OTOP1: variants seen among roughly 807,000 people sequenced by gnomAD.
OTOP1 encodes the protein proton channel OTOP1.
Under a neutral mutation model 52.9 loss-of-function variants are expected in OTOP1, and 59 were observed. The observed-to-expected ratio is 1.12, with a 90% CI of 0.91 to 1.39. The LOEUF (loss-of-function observed/expected upper bound fraction) is 1.39. Among genes scored for constraint, OTOP1 ranks in the 40% most tolerant of loss-of-function variants. OTOP1 has a pLI of 0.00. For missense variants in OTOP1, 761 were observed against 800.9 expected (o/e 0.95, Z 0.60); for synonymous variants, 317 against 337.7 (o/e 0.94, Z 0.67).
chr4:4,212,761 G>C, intron 2 of OTOP1, 107 bp downstream of exon 2: 1 of 1,289,820 alleles, frequency 7.8e-7, no homozygotes, highest in South Asian at 1.3e-5. Flanking sequence ...GTTCACAGCT[G>C]TGCACACTGT....
intron 3 of OTOP1, among the ~76,000 whole-genome samples, chr4:4,204,500 C>A (rs1395089809): frequency 6.6e-6 from 1 of 152,146 alleles, no homozygotes; most frequent in African/African-American, 2.4e-5. Flanking sequence ...AGCACTGTTG[C>A]CACGCATGAC....
chr4:4,218,379 G>A lies in OTOP1; in HGVS notation c.404-5375C>T, dbSNP rs543131283. On this transcript the variant is annotated intron_variant, in intron 1 of 5. Coordinates refer to ENST00000296358, the MANE Select transcript of OTOP1 (RefSeq NM_177998.3). Reference sequence around the variant, plus strand: ...TGCACTCCAGCATGGGTGACAGAGCGAGACTCCAACTCAAAAAAAAAAAAA... The same window carrying A: ...TGCACTCCAGCATGGGTGACAGAGCAAGACTCCAACTCAAAAAAAAAAAAA... 2.7e-4 allele frequency among the ~76,000 whole-genome samples: 34 copies of A among 127,930 alleles called. No individual in the cohort carries two copies. The East Asian group carries it at 6.8e-3, about 26-fold the overall frequency. The allele number at this position is 127,930 out of a possible 152,430, so 83.9% of individuals were successfully genotyped here.
chr4:4,211,439 C>G (rs935839013), intron 2 of OTOP1, among the ~76,000 whole-genome samples: 3 of 111,964 alleles, frequency 2.7e-5, no homozygotes, highest in African/African-American at 7.8e-5. Context: ...TGAGCTCCAA[C>G]TTCTTCGTTA....
intron 5 of OTOP1, among the ~76,000 whole-genome samples, chr4:4,193,866 A>T (rs2108795516): frequency 6.6e-6 from 1 of 152,156 alleles, no homozygotes; most frequent in African/African-American, 2.4e-5. Context: ...GCAACCAGGG[A>T]AAAACAACTT....
At chr4:4,207,423 G>A (rs1425895297) in intron 2 of OTOP1, among the ~76,000 whole-genome samples, 1 of 152,152 alleles carries the variant, frequency 6.6e-6, no homozygotes, top group African/African-American at 2.4e-5. Context: ...TACAAGGAAT[G>A]GAGGAAATAC....
At chr4:4,224,807 C>G (rs1717388392) in intron 1 of OTOP1, among the ~76,000 whole-genome samples, 1 of 151,960 alleles carries the variant, frequency 6.6e-6, no homozygotes. Flanking sequence ...CAGAAACGGA[C>G]AAGGACCAAA....
At chr4:4,211,494 A>G (rs1235671067) in intron 2 of OTOP1, among the ~76,000 whole-genome samples, 1 of 152,256 alleles carries the variant, frequency 6.6e-6, no homozygotes, top group Non-Finnish European at 1.5e-5. Context: ...AACATGGGCA[A>G]ATCTGGAGGA....
At chr4:4,195,707 C>A (rs752861689) in intron 5 of OTOP1, among the ~76,000 whole-genome samples, 5 of 152,288 alleles carry the variant, frequency 3.3e-5, no homozygotes, top group East Asian at 1.9e-4. Context: ...GAAGACACTG[C>A]GAATCAAATT....
chr4:4,220,142 G>T (rs1331653074), intron 1 of OTOP1, among the ~76,000 whole-genome samples: 4 of 124,342 alleles, frequency 3.2e-5, no homozygotes, highest in Non-Finnish European at 4.8e-5. Flanking sequence ...CACTCTTGTC[G>T]GCCAGGCTGG....
chr4:4,189,100 A>C (rs1030235170), intron 5 of OTOP1, 127 bp from the exon 6 acceptor site: 7 of 799,728 alleles, frequency 8.8e-6, no homozygotes, highest in Non-Finnish European at 1.4e-5. Context: ...CCCTGACAGA[A>C]CAATAAGGAG....
intron 3 of OTOP1, 95 bp from the exon 4 acceptor site, chr4:4,202,673 T>G: frequency 6.8e-7 from 1 of 1,471,738 alleles, no homozygotes; most frequent in Non-Finnish European, 9.3e-7. Context: ...ACATGGCTCC[T>G]TCTCAGCCAT....
Position 4,226,463 on chromosome 4 carries a change from G to C in OTOP1, c.402C>G (p.Arg134=), listed in dbSNP as rs527769643. 5.3e-5 allele frequency: 78 copies of C among 1,485,324 alleles called. 1 individual carries two copies. In the South Asian group the frequency reaches 9.7e-4, roughly 18 times the overall value. The allele number at this position is 1,485,324 out of a possible 1,614,324, so 92.0% of individuals were successfully genotyped here. Residue 134 remains arginine (R), a splice_region_variant and synonymous_variant, in exon 1 of 6, where the codon CGC becomes CGG. Coordinates refer to ENST00000296358, the MANE Select transcript of OTOP1 (RefSeq NM_177998.3). Reference sequence around the variant, plus strand: ...CGCTCGCCCGGCGCCTGGACTCACCGCGCAGCCAGCCGGCACCCGCGTGCG... The same window carrying C: ...CGCTCGCCCGGCGCCTGGACTCACCCCGCAGCCAGCCGGCACCCGCGTGCG... ...KDTHAGAGWL[R]GSITLFAVIT...
chr4:4,199,272 G>C, intron 4 of OTOP1, among the ~76,000 whole-genome samples: 1 of 138,410 alleles, frequency 7.2e-6, no homozygotes, highest in African/African-American at 2.6e-5. Context: ...GAGAGAGAGA[G>C]AGAGGAACAG....
At chr4:4,213,038 A>T in intron 1 of OTOP1, 34 bp from the exon 2 acceptor site, 3 of 1,607,564 alleles carry the variant, frequency 1.9e-6, no homozygotes, top group Non-Finnish European at 2.6e-6. Context: ...GTGGAAACAC[A>T]CACATTGCAT....
chr4:4,225,540 G>C (rs868547048), intron 1 of OTOP1, among the ~76,000 whole-genome samples: 6 of 144,882 alleles, frequency 4.1e-5, no homozygotes, highest in African/African-American at 7.9e-5. Context: ...CTGCACTCCA[G>C]CCTGGGAGAT....
chr4:4,192,917 G>T (rs1303830567), intron 5 of OTOP1, among the ~76,000 whole-genome samples: 1 of 152,150 alleles, frequency 6.6e-6, no homozygotes, highest in Non-Finnish European at 1.5e-5. Context: ...TGAGGGCAGG[G>T]TTTCAGTTTT....
Sources: allele counts gnomAD v4.1 joint callset (sites outside exome capture counted in the v4.1 genomes callset), GRCh38; gene constraint gnomAD v4.1.1; transcripts MANE v1.5; gene names NCBI Gene and HGNC (gene_info 2026-07-23, HGNC 2026-07-21).